Variants in SETBP1 observed in about 807,000 individuals in gnomAD.
SETBP1 encodes SET-binding protein.
A neutral mutation model predicts 101.0 loss-of-function variants in SETBP1; 9 were observed. The observed-to-expected ratio is 0.09, with a 90% CI of 0.05 to 0.16. SETBP1 has a LOEUF of 0.16. Among genes scored for constraint, SETBP1 ranks in the 10% least tolerant of loss-of-function variants. The pLI, the probability that SETBP1 is intolerant of heterozygous loss-of-function variation, is 1.00. For synonymous variants in SETBP1, 818 were observed against 788.5 expected (o/e 1.04, Z -0.63); for missense variants, 1,858 against 2,033.8 (o/e 0.91, Z 1.66).
intron 2 of SETBP1, among the ~76,000 whole-genome samples, chr18:44,849,355 AG>A: frequency 6.6e-6 from 1 of 152,192 alleles, no homozygotes; most frequent in East Asian, 1.9e-4. Context: ...TTAAGTTTTA[AG>A]GCTGGTCCTA....
At chr18:44,990,900 T>A (rs1599418847) in intron 4 of SETBP1, among the ~76,000 whole-genome samples, 1 of 100,238 alleles carries the variant, frequency 1.0e-5, no homozygotes, top group African/African-American at 3.9e-5. Context: ...GAACTAAAGG[T>A]ATAACTTACA....
At chr18:44,948,603 C>A (rs1008599364) in intron 3 of SETBP1, among the ~76,000 whole-genome samples, 2 of 152,106 alleles carry the variant, frequency 1.3e-5, no homozygotes, top group Non-Finnish European at 2.9e-5. Context: ...TGGAGTGGTT[C>A]TTTAATTTAC....
intron 4 of SETBP1, among the ~76,000 whole-genome samples, chr18:44,971,910 G>T (rs1262962066): frequency 6.6e-6 from 1 of 152,116 alleles, no homozygotes; most frequent in African/African-American, 2.4e-5. Context: ...TTTGGCTTTT[G>T]TTGCCATTGC....
chr18:44,951,002 G>C lies in SETBP1; in HGVS notation c.1662G>C (p.Leu554=), dbSNP rs1161534254. The change falls in exon 4 of 6, where the codon CTG becomes CTC. Residue 554 remains leucine, a synonymous_variant. Transcript: ENST00000649279. The surrounding 1 kb of genome is among the most constrained non-coding windows in gnomAD (Gnocchi z 7.8). ...REAVMATSDK[L]MLEPPSAYPI... The stretch of plus-strand genomic sequence containing the variant: ...CAGTTATGGCCACCTCTGATAAACT[G>C]ATGCTGGAGCCCCCGTCTGCATATC... 6.2e-7 allele frequency: 1 copy of C among 1,613,876 alleles called. No individual in the cohort carries two copies. Among genetic ancestry groups the C allele is most frequent in the East Asian group, 2.2e-5 (1 of 44,874 alleles).
intron 2 of SETBP1, among the ~76,000 whole-genome samples, chr18:44,854,601 C>T (rs759988891): frequency 6.6e-6 from 1 of 152,214 alleles, no homozygotes; most frequent in African/African-American, 2.4e-5. Flanking sequence ...ATCTTCCCAA[C>T]GTCAACAAAA....
intron 2 of SETBP1, among the ~76,000 whole-genome samples, chr18:44,773,838 A>ATGTGTGTGTGTGTGTGTG (rs61649185): frequency 0.06 from 8,019 of 134,128 alleles, 344 homozygotes; most frequent in Admixed American, 0.08. Flanking sequence ...CTCTCTGTTT[A>ATGTGTGTGTGTGTGTGTG]TGTGTGTGTG....
At chr18:44,954,628 T>C (rs2071444766) in intron 4 of SETBP1, among the ~76,000 whole-genome samples, 1 of 152,188 alleles carries the variant, frequency 6.6e-6, no homozygotes, top group African/African-American at 2.4e-5. Flanking sequence ...TCGCCCCAGA[T>C]TGCCACTAGC....
At chr18:45,059,931 G>A (rs1350538501) in intron 5 of SETBP1, among the ~76,000 whole-genome samples, 2 of 152,152 alleles carry the variant, frequency 1.3e-5, no homozygotes, top group African/African-American at 4.8e-5. Context: ...CTCCTACACA[G>A]CAGTCACTTT....
At position 44,983,414 on chromosome 18, in the gene SETBP1, C is replaced by T. The variant is rs964954244; in HGVS notation, c.4000+30074C>T. ...ACCAGCTCTAAGAACTAGGGACACT[C>T]TTACCCCCATTATACAAATCAGGGA... On this transcript the variant is annotated intron_variant, in intron 4 of 5. Transcript: ENST00000649279. 5.7e-4 allele frequency among the ~76,000 whole-genome samples: 86 copies of T among 152,168 alleles called. 1 individual carries two copies. The highest frequency in any genetic ancestry group is 1.5e-4 in the Non-Finnish European group (10 of 68,036).
At chr18:45,003,930 C>T (rs149387824) in intron 4 of SETBP1, among the ~76,000 whole-genome samples, 3 of 152,072 alleles carry the variant, frequency 2.0e-5, no homozygotes, top group African/African-American at 7.2e-5. Context: ...GTTTATTTAG[C>T]CCCCCACCAG....
At chr18:44,947,125 C>G (rs2071225234) in intron 3 of SETBP1, among the ~76,000 whole-genome samples, 1 of 152,064 alleles carries the variant, frequency 6.6e-6, no homozygotes, top group Non-Finnish European at 1.5e-5. Flanking sequence ...TCAGTTAGCA[C>G]ACAAATCAAA....
chr18:44,782,677 C>T (rs945835828), intron 2 of SETBP1, among the ~76,000 whole-genome samples: 7 of 152,104 alleles, frequency 4.6e-5, no homozygotes, highest in African/African-American at 1.7e-4. Context: ...TCAGTCAACC[C>T]ACAGGGATTG....
chr18:44,890,891 T>C (rs2069752646), intron 3 of SETBP1, among the ~76,000 whole-genome samples: 1 of 152,242 alleles, frequency 6.6e-6, no homozygotes, highest in East Asian at 1.9e-4. Context: ...ACATGGATCT[T>C]CTGATTCCAA....
intron 2 of SETBP1, among the ~76,000 whole-genome samples, chr18:44,789,597 G>T (rs2071327066): frequency 6.6e-6 from 1 of 152,090 alleles, no homozygotes; most frequent in Non-Finnish European, 1.5e-5. Context: ...TTCCTATTTG[G>T]GTAGCAGTCC....
rs566745443 is a variant in SETBP1 at position 44,805,227 on chromosome 18, G to T, written c.487-64003G>T. Among the ~76,000 whole-genome samples, 10 of 152,250 alleles carry T rather than the reference G, an allele frequency of 6.6e-5. No individual in the cohort carries two copies. In the South Asian group the frequency reaches 2.1e-3, roughly 32 times the overall value. Reference sequence around the variant, plus strand: ...ACTTTAAAGATGAGAAACCGTTTAAGACTCCAAGTAATTAAATAATAAAAT... The same window carrying T: ...ACTTTAAAGATGAGAAACCGTTTAATACTCCAAGTAATTAAATAATAAAAT... On this transcript the variant is annotated intron_variant, in intron 2 of 5. Transcript: ENST00000649279.
intron 3 of SETBP1, among the ~76,000 whole-genome samples, chr18:44,934,791 C>T (rs1243398888): frequency 6.6e-6 from 1 of 152,072 alleles, no homozygotes; most frequent in Admixed American, 6.6e-5. Flanking sequence ...CAGATTTGAC[C>T]CCATTTGTGC....
intron 5 of SETBP1, among the ~76,000 whole-genome samples, chr18:45,058,270 T>C (rs1397514742): frequency 2.0e-5 from 3 of 152,048 alleles, no homozygotes; most frequent in African/African-American, 4.8e-5. Context: ...ATGAAACAAT[T>C]TGAAGAGAGA....
At chr18:44,844,764 G>A (rs895454245) in intron 2 of SETBP1, among the ~76,000 whole-genome samples, 4 of 152,164 alleles carry the variant, frequency 2.6e-5, no homozygotes, top group Admixed American at 2.0e-4. Context: ...CTCGGTGACT[G>A]AAGCTTCCAA....
intron 2 of SETBP1, among the ~76,000 whole-genome samples, chr18:44,807,761 C>A (rs1210184011): frequency 6.6e-6 from 1 of 152,140 alleles, no homozygotes; most frequent in African/African-American, 2.4e-5. Context: ...TGGAACCCAA[C>A]ATCTTTTCCA....
Sources: gnomAD v4.1 joint callset for allele counts (sites outside exome capture counted in the v4.1 genomes callset) on GRCh38, gnomAD v4.1.1 for gene constraint, Gnocchi (gnomAD v3.1) non-coding constraint, MANE v1.5 for transcripts, NCBI Gene and HGNC (gene_info 2026-07-23, HGNC 2026-07-21) for gene names.